The following AK5 variants were observed in gnomAD, a reference collection of about 807,000 sequenced individuals.
The protein encoded by AK5 is adenylate kinase 5.
Under a neutral mutation model 69.5 loss-of-function variants are expected in AK5, and 27 were observed. The ratio of observed to expected loss-of-function variants is 0.39; its 90% CI spans 0.29 to 0.54. The LOEUF (loss-of-function observed/expected upper bound fraction) is 0.54. Ranked by LOEUF, AK5 falls within the 20% of genes least tolerant of loss-of-function variation. The pLI, the probability that AK5 is intolerant of heterozygous loss-of-function variation, is 0.71. For missense variants in AK5, 531 were observed against 700.4 expected (o/e 0.76, Z 2.73); for synonymous variants, 260 against 244.4 (o/e 1.06, Z -0.60).
intron 10 of AK5, among the ~76,000 whole-genome samples, chr1:77,493,573 A>G (rs1656124880): frequency 6.6e-6 from 1 of 152,156 alleles, no homozygotes; most frequent in African/African-American, 2.4e-5. Context: ...GATCACCTAC[A>G]AAATAAGTTG....
intron 12 of AK5, among the ~76,000 whole-genome samples, chr1:77,530,398 G>T (rs1658514938): frequency 1.3e-5 from 2 of 152,212 alleles, no homozygotes; most frequent in Admixed American, 1.3e-4. Context: ...ATACCTCAAG[G>T]TGAGAGCAAA....
chr1:77,317,101 G>T (rs1396937039), intron 5 of AK5, among the ~76,000 whole-genome samples: 1 of 152,192 alleles, frequency 6.6e-6, no homozygotes, highest in African/African-American at 2.4e-5. Context: ...TTTAAATGGT[G>T]ATTGGGGTTG....
intron 6 of AK5, among the ~76,000 whole-genome samples, chr1:77,386,979 A>G (rs1320310326): frequency 6.6e-6 from 1 of 152,134 alleles, no homozygotes; most frequent in East Asian, 1.9e-4. Context: ...TTCACTCAAG[A>G]TAACGACCTC....
intron 10 of AK5, 44 bp from the exon 11 acceptor site, chr1:77,518,520 C>T: frequency 1.3e-6 from 2 of 1,595,950 alleles, no homozygotes; most frequent in African/African-American, 2.7e-5. Flanking sequence ...AAAAATGAGG[C>T]ACCAGACTTG....
intron 8 of AK5, among the ~76,000 whole-genome samples, chr1:77,463,828 A>G (rs1653982681): frequency 6.6e-6 from 1 of 152,194 alleles, no homozygotes; most frequent in African/African-American, 2.4e-5. Flanking sequence ...CTGAATTCCT[A>G]GAGAAGGATG....
intron 4 of AK5, 23 bp from the exon 5 acceptor site, chr1:77,297,811 G>C (rs759616198): frequency 1.2e-6 from 2 of 1,601,938 alleles, no homozygotes; most frequent in African/African-American, 2.7e-5. Context: ...GGGTTTTTTT[G>C]TCATCCTTTC....
intron 10 of AK5, among the ~76,000 whole-genome samples, chr1:77,518,322 G>A (rs1191344143): frequency 6.6e-6 from 1 of 152,164 alleles, no homozygotes; most frequent in Non-Finnish European, 1.5e-5. Context: ...GTAACTGCTT[G>A]TTTTTCTGTA....
At chr1:77,302,157 C>T (rs1179702469) in intron 5 of AK5, among the ~76,000 whole-genome samples, 1 of 151,998 alleles carries the variant, frequency 6.6e-6, no homozygotes, top group Non-Finnish European at 1.5e-5. Context: ...CTCTCAGCCT[C>T]CTAAGTGCTG....
At chr1:77,288,004 T>C (rs1165293214) in intron 2 of AK5, among the ~76,000 whole-genome samples, 2 of 152,226 alleles carry the variant, frequency 1.3e-5, no homozygotes, top group Middle Eastern at 3.2e-3. Flanking sequence ...TCTCAGGCCA[T>C]ATTTAGTTCA....
chr1:77,462,477 T>A (rs1050220977), intron 8 of AK5, among the ~76,000 whole-genome samples: 2 of 152,138 alleles, frequency 1.3e-5, no homozygotes. Context: ...GAAAAGCATC[T>A]ATAACCATGC....
chr1:77,325,161 G>GTTTTTTTT (rs369801549), intron 5 of AK5, among the ~76,000 whole-genome samples: 1 of 123,230 alleles, frequency 8.1e-6, no homozygotes, highest in Non-Finnish European at 1.8e-5. Flanking sequence ...TAGGTTTTTT[G>GTTTTTTTT]TTTTTTTTTT....
intron 5 of AK5, among the ~76,000 whole-genome samples, chr1:77,330,486 G>T (rs1247841158): frequency 6.6e-6 from 1 of 152,066 alleles, no homozygotes; most frequent in Non-Finnish European, 1.5e-5. Context: ...AGTACCATTT[G>T]TTGAAAAGAC....
chr1:77,538,293 C>T (rs1297552973), intron 13 of AK5, among the ~76,000 whole-genome samples: 1 of 151,180 alleles, frequency 6.6e-6, no homozygotes, highest in Non-Finnish European at 1.5e-5. Flanking sequence ...TTGCCATGAT[C>T]GCACCACTGC....
At chr1:77,411,292 G>A (rs1268497915) in intron 7 of AK5, among the ~76,000 whole-genome samples, 1 of 152,190 alleles carries the variant, frequency 6.6e-6, no homozygotes, top group Admixed American at 6.5e-5. Flanking sequence ...CATTGCACAT[G>A]TAAATTACCA....
intron 9 of AK5, among the ~76,000 whole-genome samples, chr1:77,485,723 A>G (rs1655545149): frequency 6.6e-6 from 1 of 152,248 alleles, no homozygotes. Context: ...TTTTAAAAAT[A>G]GCTTTCTTTG....
At chr1:77,283,675 T>G in intron 1 of AK5, 3 of 938,776 alleles carry the variant, frequency 3.2e-6, no homozygotes, top group Non-Finnish European at 3.8e-6. Flanking sequence ...GTGTTACTCC[T>G]GCGTGAAAAT....
In AK5 at chr1:77,340,484, A is replaced by G. The variant is rs1483058359; in HGVS notation, c.807A>G (p.Lys269=). ...AGGGCCGACCAGACGACAATGTAAA[A>G]GCTACCCAAAGGAGACTAATGAACT... ...EQQGRPDDNV[K]ATQRRLMNFK... is the part of the protein sequence containing the mutation. Residue 269 remains lysine (K), a synonymous_variant, in exon 6 of 14, where the codon AAA becomes AAG. Coordinates refer to ENST00000354567, the MANE Select transcript of AK5 (RefSeq NM_174858.3). 2.5e-6 allele frequency: 4 copies of G among 1,614,048 alleles called. No individual in the cohort carries two copies. The African/African-American group carries it at 5.3e-5, about 22-fold the overall frequency.
intron 10 of AK5, among the ~76,000 whole-genome samples, chr1:77,487,407 A>G (rs1298649401): frequency 2.0e-5 from 3 of 152,236 alleles, no homozygotes; most frequent in East Asian, 3.8e-4. Context: ...TATCCTTTCA[A>G]AACTTAGTAC....
chr1:77,496,573 C>A (rs964842064), intron 10 of AK5, among the ~76,000 whole-genome samples: 1 of 152,136 alleles, frequency 6.6e-6, no homozygotes, highest in Admixed American at 6.5e-5. Context: ...GAGGCAGAAT[C>A]AATGGACCAT....
Sources: allele counts gnomAD v4.1 joint callset (sites outside exome capture counted in the v4.1 genomes callset), GRCh38; gene constraint gnomAD v4.1.1; transcripts MANE v1.5; gene names NCBI Gene and HGNC (gene_info 2026-07-23, HGNC 2026-07-21).